LRATD1: variants seen among roughly 807,000 people sequenced by gnomAD.
LRATD1 encodes the protein protein LRATD1.
LRATD1 carries 8 observed loss-of-function variants against 21.3 expected under a neutral mutation model. That is an observed-to-expected ratio of 0.38 (90% CI 0.22 to 0.68). LRATD1 has a LOEUF of 0.68. LRATD1 is among the 30% of genes least tolerant of loss of function. The probability of loss-of-function intolerance (pLI) is 0.54; values close to 1 mark genes in which losing one functional copy is unlikely to be tolerated. For synonymous variants in LRATD1, 210 were observed against 186.2 expected, an observed-to-expected ratio of 1.13 and a Z score of -1.04; for missense variants, 380 against 404.0, an observed-to-expected ratio of 0.94 and a Z score of 0.51.
chr2:14,633,976 A>T lies in LRATD1; in HGVS notation c.-4A>T. On this transcript the variant is annotated 5_prime_UTR_variant, in exon 2 of 2. Transcript: ENST00000295092. This position sits in a 1 kb window ranked among gnomAD's most constrained non-coding sequence, Gnocchi z 7.5. ...CTCCTGGCCCTCGCCTCGCCACCTC[A>T]TTGATGGGCAACCAACTGGACCGCA... 1.2e-6 allele frequency: 2 copies of T among 1,606,530 alleles called. No homozygotes were observed. Among genetic ancestry groups the T allele is most frequent in the South Asian group, 1.1e-5 (1 of 90,864 alleles).
At position 14,635,942 on chromosome 2, in the gene LRATD1, C is replaced by T. The variant is rs1441794489; in HGVS notation, c.*1084C>T. 3.4e-6 allele frequency: 1 copy of T among 289,936 alleles called. No individual in the cohort carries two copies. The highest frequency in any genetic ancestry group is 2.2e-5 in the African/African-American group (1 of 45,768). 18.0% of individuals were successfully genotyped at this position (289,936 alleles called of 1,614,324 possible). On this transcript the variant is annotated 3_prime_UTR_variant, in exon 2 of 2. Transcript: ENST00000295092. ...AAATAAAGTTTTAAAAATGAGAGAGCAGTTTTCCAACTATGTCAACAAAGC... is the reference window on the plus strand; with the variant it reads ...AAATAAAGTTTTAAAAATGAGAGAGTAGTTTTCCAACTATGTCAACAAAGC...
chr2:14,644,146 C>T (rs1451717747), downstream of LRATD1, among the ~76,000 whole-genome samples: 1 of 151,584 alleles, frequency 6.6e-6, no homozygotes, highest in Non-Finnish European at 1.5e-5. Context: ...GTCTAGATTT[C>T]AAGAACGAGA....
chr2:14,634,074 G>C lies in LRATD1; in HGVS notation c.95G>C (p.Gly32Ala). The C allele has an allele frequency of 6.2e-7, 1 of 1,614,168 alleles. No individual in the cohort carries two copies. Among genetic ancestry groups the C allele is most frequent in the South Asian group, 1.1e-5 (1 of 91,078 alleles). ...ATTGAAAAGGACGAACTGCGGGTCG[G>C]GGTTGCCTACTTCTTCTCGGATGAT... Reference protein sequence around the residue: ...SGIEKDELRVGVAYFFSDDEE... With the variant: ...SGIEKDELRVAVAYFFSDDEE... Residue 32 changes from glycine (G) to alanine (A), a missense_variant, in exon 2 of 2, where the codon GGG becomes GCG. Transcript: ENST00000295092.
chr2:14,644,699 T>C (rs1250925322), downstream of LRATD1, among the ~76,000 whole-genome samples: 1 of 152,110 alleles, frequency 6.6e-6, no homozygotes, highest in Non-Finnish European at 1.5e-5. Flanking sequence ...CAAGAGCTTC[T>C]TGGAGTGGGG....
downstream of LRATD1, among the ~76,000 whole-genome samples, chr2:14,651,762 A>G (rs1019625247): frequency 6.6e-5 from 10 of 152,116 alleles, no homozygotes; most frequent in Admixed American, 4.6e-4. Context: ...TATCATAAAT[A>G]TTAATAATGT....
In LRATD1 at chr2:14,636,955, G is replaced by A. The variant is rs1671701462; in HGVS notation, c.*2097G>A. On this transcript the variant is annotated 3_prime_UTR_variant, in exon 2 of 2. Transcript: ENST00000295092. ...CTATGAACTAAAGTATTTTTCTTAA[G>A]CCTATTGAGTGATTTATTTTTTAAA... The A allele has an allele frequency of 6.0e-6, 1 of 166,646 alleles. No individual in the cohort carries two copies. Among genetic ancestry groups the A allele is most frequent in the South Asian group, 2.1e-4 (1 of 4,820 alleles). The allele number at this position is 166,646 out of a possible 1,614,324, so 10.3% of individuals were successfully genotyped here. A position where few individuals can be genotyped will look rare whatever the true frequency, so the allele number is the denominator to read the frequency against.
chr2:14,644,441 T>C (rs1305320891), downstream of LRATD1, among the ~76,000 whole-genome samples: 1 of 152,220 alleles, frequency 6.6e-6, no homozygotes, highest in Non-Finnish European at 1.5e-5. Context: ...TGTCATTGTA[T>C]ATTAAATACT....
In LRATD1 at chr2:14,649,396, C is replaced by G. The variant is rs567734913; in HGVS notation, n.517C>G. On this transcript the variant is annotated non_coding_transcript_exon_variant, in exon 5 of 6. Transcript: ENST00000464947. ...CAACTCCTTGTATTGCAACTGGACC[C>G]CCTCGACCTGGGTGAATGTACTCTT... 499 of 456,252 alleles carry G rather than the reference C, an allele frequency of 1.1e-3. 11 individuals carry two copies. Among genetic ancestry groups the G allele is most frequent in the South Asian group, 7.6e-3 (488 of 64,502 alleles). The allele number at this position is 456,252 out of a possible 1,614,324, so 28.3% of individuals were successfully genotyped here. A position where few individuals can be genotyped will look rare whatever the true frequency, so the allele number is the denominator to read the frequency against.
rs1241472364 is a variant in LRATD1, at chr2:14,639,761, C to T, written c.*4903C>T. On this transcript the variant is annotated 3_prime_UTR_variant, in exon 2 of 2. Transcript: ENST00000295092. ...TTTTGATGGCTGATAGTAGAAAGCACACAGTAGGTACTCCATAAATGTAAG... is the reference window on the plus strand; with the variant it reads ...TTTTGATGGCTGATAGTAGAAAGCATACAGTAGGTACTCCATAAATGTAAG... 2 of 167,078 alleles carry T rather than the reference C, an allele frequency of 1.2e-5. No homozygotes were observed. Among genetic ancestry groups the T allele is most frequent in the African/African-American group, 4.8e-5 (2 of 41,450 alleles). The allele number at this position is 167,078 out of a possible 1,614,324, so 10.3% of individuals were successfully genotyped here.
intron 4 of LRATD1, among the ~76,000 whole-genome samples, chr2:14,648,652 G>A (rs951904437): frequency 6.6e-6 from 1 of 152,132 alleles, no homozygotes; most frequent in Non-Finnish European, 1.5e-5. Context: ...AAGCCAAAAT[G>A]GTAGAATTGT....
At chr2:14,648,782 C>T (rs1671939101) in intron 4 of LRATD1, among the ~76,000 whole-genome samples, 1 of 152,208 alleles carries the variant, frequency 6.6e-6, no homozygotes, top group Non-Finnish European at 1.5e-5. Context: ...TAGCTTCCAA[C>T]TAGCTTCTCC....
chr2:14,642,330 C>T (rs908149455), downstream of LRATD1, among the ~76,000 whole-genome samples: 1 of 152,092 alleles, frequency 6.6e-6, no homozygotes, highest in Non-Finnish European at 1.5e-5. Context: ...AACATTTCTT[C>T]TTGAATGAAC....
chr2:14,634,284 G>T lies in LRATD1; in HGVS notation c.305G>T (p.Gly102Val). The T allele has an allele frequency of 6.2e-7, 1 of 1,603,932 alleles. No homozygotes were observed. The change falls in exon 2 of 2, where the codon GGC (glycine) becomes GTC (valine). Residue 102 changes from glycine (G) to valine (V), a missense_variant. By Grantham distance (109) the Gly-to-Val change is moderately radical. Transcript: ENST00000295092. Reference protein sequence around the residue: ...QECIFSKVSGGPQGADLSVYA... With the variant: ...QECIFSKVSGVPQGADLSVYA... ...TGCATCTTTTCCAAAGTGAGCGGTG[G>T]CCCTCAGGGCGCCGACCTAAGCGTC...
intron 4 of LRATD1, among the ~76,000 whole-genome samples, chr2:14,647,861 A>G (rs1355717847): frequency 6.6e-6 from 1 of 152,098 alleles, no homozygotes; most frequent in African/African-American, 2.4e-5. Context: ...TTATTCAATG[A>G]CTGCATCTAA....
rs1187189209 is a variant in LRATD1 at position 14,634,753 on chromosome 2, GT to G, written c.777del (p.His260ThrfsTer152). 6.3e-7 allele frequency: 1 copy of G among 1,578,126 alleles called. No individual in the cohort carries two copies. The highest frequency in any genetic ancestry group is 1.1e-5 in the South Asian group (1 of 86,996). On this transcript the variant is annotated frameshift_variant, in exon 2 of 2. Coordinates refer to ENST00000295092, the MANE Select transcript of LRATD1 (RefSeq NM_145175.4). LOFTEE classifies it high-confidence loss of function. ...GAGAGAACAAGGTCCACACCGCCAG[GT>G]TTCACAGCCTGGAAGACCTCATCCG... ...LGENKVHTAR[F>X]HSLEDLIREK...
chr2:14,636,762 A>G lies in LRATD1; in HGVS notation c.*1904A>G, dbSNP rs1671695709. On this transcript the variant is annotated 3_prime_UTR_variant, in exon 2 of 2. Coordinates refer to ENST00000295092, the MANE Select transcript of LRATD1 (RefSeq NM_145175.4). The stretch of plus-strand genomic sequence containing the variant: ...TTATGGCCAAAGCCAGTTTCTTGGC[A>G]TTTCAAAAATAATGCAATAAAAACT... 6.0e-6 allele frequency: 1 copy of G among 167,138 alleles called. No individual in the cohort carries two copies. Among genetic ancestry groups the G allele is most frequent in the Non-Finnish European group, 1.5e-5 (1 of 68,116 alleles). The allele number at this position is 167,138 out of a possible 1,614,324, so 10.4% of individuals were successfully genotyped here. A position where few individuals can be genotyped will look rare whatever the true frequency, so the allele number is the denominator to read the frequency against.
At chr2:14,645,925 T>A in intron 2 of LRATD1, among the ~76,000 whole-genome samples, 1 of 152,182 alleles carries the variant, frequency 6.6e-6, no homozygotes, top group Non-Finnish European at 1.5e-5. Context: ...GTTCCCTGCA[T>A]ACAAATAGGG....
rs1671627881 is a variant in LRATD1, at chr2:14,634,303, A to G, written c.324A>G (p.Leu108=). 1.2e-6 allele frequency: 2 copies of G among 1,600,746 alleles called. No individual in the cohort carries two copies. Among genetic ancestry groups the G allele is most frequent in the Non-Finnish European group, 1.7e-6 (2 of 1,177,894 alleles). The change falls in exon 2 of 2, where the codon CTA becomes CTG. Residue 108 remains leucine (L), a synonymous_variant. Coordinates refer to ENST00000295092, the MANE Select transcript of LRATD1 (RefSeq NM_145175.4). ...KVSGGPQGAD[L]SVYAVTALPA... ...GCGGTGGCCCTCAGGGCGCCGACCTAAGCGTCTACGCGGTCACCGCGCTGC... is the reference window on the plus strand; with the variant it reads ...GCGGTGGCCCTCAGGGCGCCGACCTGAGCGTCTACGCGGTCACCGCGCTGC...
Position 14,634,554 on chromosome 2 carries a change from T to C in LRATD1, c.575T>C (p.Val192Ala). The C allele has an allele frequency of 6.7e-7, 1 of 1,493,634 alleles. No individual in the cohort carries two copies. Among genetic ancestry groups the C allele is most frequent in the Non-Finnish European group, 8.9e-7 (1 of 1,121,314 alleles). 92.5% of individuals were successfully genotyped at this position (1,493,634 alleles called of 1,614,324 possible). ...YRYRPLVAEL[V>A]VQNACGHLGL... ...TACCGCCCGCTGGTGGCCGAGCTGG[T>C]GGTGCAGAACGCCTGCGGCCACCTG... is the stretch of plus-strand genomic sequence containing the variant. The change falls in exon 2 of 2, where the codon GTG becomes GCG. Residue 192 changes from valine to alanine, a missense_variant. Coordinates refer to ENST00000295092, the MANE Select transcript of LRATD1 (RefSeq NM_145175.4).
Sources: gnomAD v4.1 joint callset for allele counts (sites outside exome capture counted in the v4.1 genomes callset) on GRCh38, gnomAD v4.1.1 for gene constraint, Gnocchi (gnomAD v3.1) non-coding constraint, MANE v1.5 for transcripts, NCBI Gene and HGNC (gene_info 2026-07-23, HGNC 2026-07-21) for gene names.